The following LRP1B variants were observed in gnomAD, a reference collection of about 807,000 sequenced individuals.
The protein encoded by LRP1B is low-density lipoprotein receptor-related protein 1B.
A neutral mutation model predicts 556.6 loss-of-function variants in LRP1B; 217 were observed. The observed-to-expected ratio is 0.39, with a 90% CI of 0.35 to 0.44. The LOEUF (loss-of-function observed/expected upper bound fraction) is 0.44, where lower values mean the gene tolerates loss of function less well. Among genes scored for constraint, LRP1B ranks in the 20% least tolerant of loss-of-function variants. The pLI, the probability that LRP1B is intolerant of heterozygous loss-of-function variation, is 1.00. For missense variants in LRP1B, 5,053 were observed against 5,620.8 expected, an observed-to-expected ratio of 0.90 and a Z score of 3.23; for synonymous variants, 2,047 against 1,865.8, an observed-to-expected ratio of 1.10 and a Z score of -2.50.
intron 1 of LRP1B, among the ~76,000 whole-genome samples, chr2:142,063,109 TA>T (rs1283211557): frequency 3.3e-5 from 5 of 151,162 alleles, no homozygotes; most frequent in Non-Finnish European, 7.4e-5. Context: ...GATATTCCTC[TA>T]AAAAATCCAT....
At chr2:141,829,133 A>G (rs964402507) in intron 1 of LRP1B, among the ~76,000 whole-genome samples, 2 of 152,036 alleles carry the variant, frequency 1.3e-5, no homozygotes, top group African/African-American at 2.4e-5. Flanking sequence ...TTATATTAGT[A>G]CTAGATATCT....
chr2:141,799,739 T>TA (rs1047553677), intron 2 of LRP1B, among the ~76,000 whole-genome samples: 2 of 151,812 alleles, frequency 1.3e-5, no homozygotes, highest in Non-Finnish European at 2.9e-5. Flanking sequence ...TACACAAAAA[T>TA]AAAAAAACTG....
chr2:140,604,766 T>C (rs1289842195), intron 41 of LRP1B, among the ~76,000 whole-genome samples: 3 of 152,022 alleles, frequency 2.0e-5, no homozygotes, highest in Non-Finnish European at 4.4e-5. Context: ...CCATGTGTTG[T>C]AGGAGGGACC....
At chr2:141,099,695 A>G (rs1700412032) in intron 7 of LRP1B, among the ~76,000 whole-genome samples, 1 of 152,192 alleles carries the variant, frequency 6.6e-6, no homozygotes, top group Non-Finnish European at 1.5e-5. Flanking sequence ...CCAACAACAA[A>G]TGAAAACTAA....
At chr2:142,114,829 G>T (rs1270769453) in intron 1 of LRP1B, among the ~76,000 whole-genome samples, 2 of 152,012 alleles carry the variant, frequency 1.3e-5, no homozygotes, top group Non-Finnish European at 2.9e-5. Flanking sequence ...AAAAGATCTG[G>T]TGTTTGATAG....
intron 3 of LRP1B, among the ~76,000 whole-genome samples, chr2:141,384,691 C>T (rs12691601): frequency 0.25 from 38,514 of 151,946 alleles, 5,980 homozygotes; most frequent in East Asian, 0.7. Flanking sequence ...TCCCTTGAAG[C>T]AGTGGAGTAT....
chr2:142,117,795 A>T (rs77303519), intron 1 of LRP1B, among the ~76,000 whole-genome samples: 6,572 of 152,264 alleles, frequency 0.043, 229 homozygotes, highest in Non-Finnish European at 0.058. Flanking sequence ...CTCAAGTTGA[A>T]TATCAGCTGC....
At chr2:141,976,649 C>T (rs976703642) in intron 1 of LRP1B, among the ~76,000 whole-genome samples, 1 of 151,984 alleles carries the variant, frequency 6.6e-6, no homozygotes, top group African/African-American at 2.4e-5. Context: ...CACCATTTAC[C>T]ACTACCTCCT....
intron 20 of LRP1B, among the ~76,000 whole-genome samples, chr2:140,939,782 T>C (rs1007724652): frequency 1.3e-5 from 2 of 151,504 alleles, no homozygotes; most frequent in Admixed American, 1.3e-4. Context: ...ATTTAAGGAA[T>C]ATTTGAGTTA....
chr2:140,911,594 T>C (rs1354417222), intron 21 of LRP1B, among the ~76,000 whole-genome samples: 1 of 151,794 alleles, frequency 6.6e-6, no homozygotes, highest in African/African-American at 2.4e-5. Context: ...GCATAAAGCC[T>C]GATCCTTGTC....
intron 85 of LRP1B, among the ~76,000 whole-genome samples, chr2:140,271,098 A>G (rs1682438783): frequency 1.3e-5 from 2 of 152,024 alleles, no homozygotes; most frequent in African/African-American, 4.8e-5. Context: ...AATAAACATA[A>G]CAATACTGGG....
intron 10 of LRP1B, among the ~76,000 whole-genome samples, chr2:141,052,378 A>T (rs974967737): frequency 2.6e-5 from 4 of 151,974 alleles, no homozygotes; most frequent in African/African-American, 9.7e-5. Flanking sequence ...AATTCTTTTT[A>T]CTGTAATGAC....
chr2:141,329,649 A>AAAAAAAAACAAAAC (rs1559009013), intron 3 of LRP1B, among the ~76,000 whole-genome samples: 1 of 132,660 alleles, frequency 7.5e-6, no homozygotes, highest in African/African-American at 3.1e-5. Flanking sequence ...GTCTCAAAAA[A>AAAAAAAAACAAAAC]AAAAAAAAAA....
intron 7 of LRP1B, among the ~76,000 whole-genome samples, chr2:141,113,300 C>T (rs951010690): frequency 1.3e-5 from 2 of 152,010 alleles, no homozygotes; most frequent in Non-Finnish European, 2.9e-5. Flanking sequence ...AACAAACCAA[C>T]AAAAAGACTA....
intron 6 of LRP1B, among the ~76,000 whole-genome samples, chr2:141,210,899 G>A (rs1682510550): frequency 6.6e-6 from 1 of 152,134 alleles, no homozygotes; most frequent in African/African-American, 2.4e-5. Context: ...ATAAAAAATA[G>A]GAATAGTCTT....
At position 140,335,552 on chromosome 2, in the gene LRP1B, G is replaced by A. The variant is rs564259550; in HGVS notation, c.12116+63C>T. 9.1e-5 allele frequency: 89 copies of A among 975,858 alleles called. 2 individuals carry two copies. The South Asian group carries it at 1.1e-3, about 12-fold the overall frequency. 60.4% of individuals were successfully genotyped at this position (975,858 alleles called of 1,614,324 possible). On this transcript the variant is annotated intron_variant, in intron 78 of 90. Transcript: ENST00000389484. ...ACTCATTACAGAGACAAAATCTATA[G>A]AGCATAATTTCTAAAAAGGATATTC... is the stretch of plus-strand genomic sequence containing the variant.
At chr2:141,079,452 G>C (rs1385959151) in intron 7 of LRP1B, among the ~76,000 whole-genome samples, 2 of 152,122 alleles carry the variant, frequency 1.3e-5, no homozygotes, top group African/African-American at 4.8e-5. Flanking sequence ...ATGTAAATAA[G>C]GATAATAGCA....
intron 82 of LRP1B, among the ~76,000 whole-genome samples, chr2:140,316,970 C>T (rs1684550924): frequency 6.6e-6 from 1 of 152,058 alleles, no homozygotes; most frequent in Admixed American, 6.6e-5. Flanking sequence ...CATTCTTATT[C>T]AGCATTATCG....
chr2:141,884,284 T>C (rs1699044073), intron 1 of LRP1B, among the ~76,000 whole-genome samples: 1 of 151,998 alleles, frequency 6.6e-6, no homozygotes, highest in Non-Finnish European at 1.5e-5. Flanking sequence ...GCTGAGGCGG[T>C]AGGATTGCTT....
Sources: allele counts gnomAD v4.1 joint callset (sites outside exome capture counted in the v4.1 genomes callset), GRCh38; gene constraint gnomAD v4.1.1; transcripts MANE v1.5; gene names NCBI Gene and HGNC (gene_info 2026-07-23, HGNC 2026-07-21).